The following DOCK3 variants were observed in gnomAD, a reference collection of about 807,000 sequenced individuals.
DOCK3 encodes the protein dedicator of cytokinesis 3, also known as dedicator of cytokinesis protein 3.
DOCK3 carries 60 observed loss-of-function variants against 265.6 expected under a neutral mutation model. The ratio of observed to expected loss-of-function variants is 0.23; its 90% CI spans 0.18 to 0.28. The LOEUF is 0.28. DOCK3 is among the 10% of genes least tolerant of loss of function. The pLI is 1.00. For missense variants in DOCK3, 1,981 were observed against 2,594.3 expected (o/e 0.76, Z 5.14); for synonymous variants, 881 against 938.0 (o/e 0.94, Z 1.11).
intron 12 of DOCK3, among the ~76,000 whole-genome samples, chr3:51,172,298 C>T (rs1421213992): frequency 6.6e-6 from 1 of 152,082 alleles, no homozygotes; most frequent in Non-Finnish European, 1.5e-5. Flanking sequence ...GCCTCAGCCT[C>T]CCGAGTTGCT....
chr3:51,079,725 T>A (rs984963088), intron 7 of DOCK3, among the ~76,000 whole-genome samples: 1 of 152,162 alleles, frequency 6.6e-6, no homozygotes, highest in Non-Finnish European at 1.5e-5. Flanking sequence ...ATAACAACTC[T>A]AAATCCATTT....
At chr3:51,002,051 T>A (rs2078501098) in intron 5 of DOCK3, among the ~76,000 whole-genome samples, 2 of 152,204 alleles carry the variant, frequency 1.3e-5, no homozygotes, top group East Asian at 1.9e-4. Context: ...GCTAAAGGAA[T>A]CCTCTTGCCT....
At chr3:50,818,068 T>C (rs1252219327) in intron 2 of DOCK3, among the ~76,000 whole-genome samples, 1 of 152,230 alleles carries the variant, frequency 6.6e-6, no homozygotes, top group East Asian at 1.9e-4. Context: ...TGCCCATCCC[T>C]GATACTGAGC....
intron 5 of DOCK3, among the ~76,000 whole-genome samples, chr3:50,975,687 C>T (rs971200225): frequency 6.6e-6 from 1 of 152,178 alleles, no homozygotes; most frequent in Non-Finnish European, 1.5e-5. Context: ...CCCTCTTTTC[C>T]TATAGATTGG....
chr3:50,885,772 C>T (rs781447609), intron 3 of DOCK3, among the ~76,000 whole-genome samples: 2 of 152,040 alleles, frequency 1.3e-5, no homozygotes, highest in Non-Finnish European at 2.9e-5. Context: ...CCACCTCTTA[C>T]GTTACCCCAA....
intron 2 of DOCK3, among the ~76,000 whole-genome samples, chr3:50,793,304 C>A (rs966474220): frequency 1.4e-5 from 2 of 148,144 alleles, no homozygotes; most frequent in African/African-American, 5.0e-5. Flanking sequence ...CTTTTTTCTT[C>A]TTTATTAGTC....
In DOCK3 at chr3:51,265,339, G is replaced by A. The variant is rs146865407; in HGVS notation, c.2355+5013G>A. ...CAATAGAAAAAGAGGGACTCCTCCCGAACTCATTTTATGAATCCAGCATCA... is the reference window on the plus strand; with the variant it reads ...CAATAGAAAAAGAGGGACTCCTCCCAAACTCATTTTATGAATCCAGCATCA... On this transcript the variant is annotated intron_variant, in intron 23 of 52. Coordinates refer to ENST00000266037, the MANE Select transcript of DOCK3 (RefSeq NM_004947.5). Among the ~76,000 whole-genome samples, 378 of 152,212 alleles carry A rather than the reference G, an allele frequency of 2.5e-3. 4 individuals are homozygous for A. The highest frequency in any genetic ancestry group is 4.8e-3 in the East Asian group (25 of 5,186).
intron 5 of DOCK3, among the ~76,000 whole-genome samples, chr3:50,992,550 G>C (rs2078145776): frequency 6.6e-6 from 1 of 152,246 alleles, no homozygotes; most frequent in African/African-American, 2.4e-5. Context: ...GCACGCCTCA[G>C]CCTCCCAAAG....
chr3:50,846,736 T>A (rs2046103310), intron 3 of DOCK3, among the ~76,000 whole-genome samples: 1 of 152,148 alleles, frequency 6.6e-6, no homozygotes, highest in South Asian at 2.1e-4. Context: ...AATCTTGGGA[T>A]CTTGTGTGTT....
rs1576566478 is a variant in DOCK3 at position 50,827,937 on chromosome 3, T to A, written c.122-13738T>A. On this transcript the variant is annotated intron_variant, in intron 2 of 52. Coordinates refer to ENST00000266037, the MANE Select transcript of DOCK3 (RefSeq NM_004947.5). ...TTCCCTTAGTGATTATCCTAGAGTT[T>A]GAAACATGCACTCTTTTTTTTTTTT... Among the ~76,000 whole-genome samples the A allele has an allele frequency of 2.0e-5, 3 of 151,916 alleles. No homozygotes were observed. The Middle Eastern group carries it at 0.01, about 517-fold the overall frequency.
In DOCK3 at chr3:50,942,801, T is replaced by G. The variant is rs190737992; in HGVS notation, c.315+8724T>G. Reference sequence around the variant, plus strand: ...AATAACTTTCATATGTTAGTCTACTTTTTCAACTACAAATTTTTTGAAATC... The same window carrying G: ...AATAACTTTCATATGTTAGTCTACTGTTTCAACTACAAATTTTTTGAAATC... On this transcript the variant is annotated intron_variant, in intron 5 of 52. Coordinates refer to ENST00000266037, the MANE Select transcript of DOCK3 (RefSeq NM_004947.5). 3.4e-4 allele frequency among the ~76,000 whole-genome samples: 51 copies of G among 152,134 alleles called. No homozygotes were observed. The East Asian group carries it at 9.4e-3, about 28-fold the overall frequency.
chr3:51,359,551 G>T lies in DOCK3; in HGVS notation c.4885-960G>T, dbSNP rs568279059. 6.6e-6 allele frequency among the ~76,000 whole-genome samples: 1 copy of T among 152,304 alleles called. No homozygotes were observed. Among genetic ancestry groups the T allele is most frequent in the South Asian group, 2.1e-4 (1 of 4,826 alleles). On this transcript the variant is annotated intron_variant, in intron 46 of 52. Transcript: ENST00000266037. This position sits in a 1 kb window ranked among gnomAD's most constrained non-coding sequence, Gnocchi z 4.8. ...TCATTCCAGGGTCTCCTGCCTGTTT[G>T]ACTGGTCTCTGCTGTGTGCAAACTT... is the stretch of plus-strand genomic sequence containing the variant.
chr3:51,139,098 A>ACT (rs2084931529), intron 9 of DOCK3, among the ~76,000 whole-genome samples: 1 of 152,164 alleles, frequency 6.6e-6, no homozygotes, highest in South Asian at 2.1e-4. Flanking sequence ...CCAAGGTTGT[A>ACT]CTAGGGGTCA....
chr3:50,768,951 G>A (rs980679191), intron 1 of DOCK3, among the ~76,000 whole-genome samples: 1 of 151,964 alleles, frequency 6.6e-6, no homozygotes, highest in African/African-American at 2.4e-5. Flanking sequence ...ATCCTAACTG[G>A]GATGAGGTAA....
chr3:51,017,447 A>G (rs9818841), intron 5 of DOCK3, among the ~76,000 whole-genome samples: 136,656 of 151,692 alleles, frequency 0.9, 61,801 homozygotes, highest in African/African-American at 0.95. Context: ...AAGATGTATC[A>G]TTGGGTTGTT....
intron 11 of DOCK3, 67 bp from the exon 12 acceptor site, chr3:51,160,488 C>T: frequency 6.6e-7 from 1 of 1,507,420 alleles, no homozygotes; most frequent in Non-Finnish European, 8.9e-7. Flanking sequence ...CCTTGGATGA[C>T]AATTAGGTGA....
At chr3:50,685,173 C>T (rs956654976) in intron 1 of DOCK3, among the ~76,000 whole-genome samples, 3 of 152,124 alleles carry the variant, frequency 2.0e-5, no homozygotes, top group East Asian at 1.9e-4. Flanking sequence ...TTAAGACTGC[C>T]GTTCTGTAAT....
intron 5 of DOCK3, among the ~76,000 whole-genome samples, chr3:50,970,933 ATATATATATATATAATG>A (rs2077201650): frequency 2.7e-5 from 2 of 72,994 alleles, no homozygotes; most frequent in African/African-American, 1.2e-4. Flanking sequence ...ATATATATAT[ATATATATATATATAATG>A]TGTGTGTGTG....
At chr3:51,139,972 G>A (rs2084972768) in intron 9 of DOCK3, among the ~76,000 whole-genome samples, 1 of 152,234 alleles carries the variant, frequency 6.6e-6, no homozygotes, top group Non-Finnish European at 1.5e-5. Flanking sequence ...ATGAGATGGG[G>A]CTGTAAGATA....
Sources: gnomAD v4.1 joint callset for allele counts (sites outside exome capture counted in the v4.1 genomes callset) on GRCh38, gnomAD v4.1.1 for gene constraint, Gnocchi (gnomAD v3.1) non-coding constraint, MANE v1.5 for transcripts, NCBI Gene and HGNC (gene_info 2026-07-23, HGNC 2026-07-21) for gene names.